The following CEP89 variants were observed in gnomAD, a reference collection of about 807,000 sequenced individuals.
The protein encoded by CEP89 is centrosomal protein of 89 kDa.
CEP89 carries 95 observed loss-of-function variants against 97.6 expected under a neutral mutation model. The ratio of observed to expected loss-of-function variants is 0.97; its 90% CI spans 0.82 to 1.15. The LOEUF is 1.15. Among genes scored for constraint, CEP89 ranks in the 50% most tolerant of loss-of-function variants. The pLI, the probability that CEP89 is intolerant of heterozygous loss-of-function variation, is 0.00. For synonymous variants in CEP89, 354 were observed against 349.1 expected (o/e 1.01, Z -0.16); for missense variants, 869 against 947.7 (o/e 0.92, Z 1.09).
Position 32,946,344 on chromosome 19 carries a change from T to C in CEP89, c.595+1922A>G, listed in dbSNP as rs552815551. 2.9e-4 allele frequency among the ~76,000 whole-genome samples: 44 copies of C among 152,268 alleles called. 1 individual carries two copies. The South Asian group carries it at 9.1e-3, about 32-fold the overall frequency. On this transcript the variant is annotated intron_variant, in intron 5 of 18. Transcript: ENST00000305768. ...TCATTGTGTGTGTTCTGACTCCTGA[T>C]TGGACCTTGACTGATATATGCTACA...
intron 2 of CEP89, among the ~76,000 whole-genome samples, chr19:32,962,322 G>A (rs1185228567): frequency 1.3e-5 from 2 of 152,198 alleles, no homozygotes; most frequent in Non-Finnish European, 2.9e-5. Context: ...CTTCTGCCAT[G>A]ATTGTTGGTT....
intron 5 of CEP89, among the ~76,000 whole-genome samples, chr19:32,943,188 G>A (rs1164673509): frequency 1.3e-5 from 2 of 152,160 alleles, no homozygotes; most frequent in South Asian, 2.1e-4. Flanking sequence ...GTAGAAACGG[G>A]GTCTCCCTGT....
intron 12 of CEP89, among the ~76,000 whole-genome samples, chr19:32,921,869 G>C (rs984992358): frequency 6.6e-6 from 1 of 152,170 alleles, no homozygotes; most frequent in African/African-American, 2.4e-5. Flanking sequence ...AGAGCCAATG[G>C]TAAGAATGCT....
chr19:32,902,010 C>CTCTCTGTGTGTGTGTGTG (rs1207481256), intron 14 of CEP89, among the ~76,000 whole-genome samples: 8 of 133,808 alleles, frequency 6.0e-5, no homozygotes, highest in African/African-American at 1.7e-4. Context: ...CTCTCTCTCT[C>CTCTCTGTGTGTGTGTGTG]TGTGTGTGTG....
At chr19:32,941,830 G>A (rs1175076118) in intron 5 of CEP89, among the ~76,000 whole-genome samples, 1 of 152,168 alleles carries the variant, frequency 6.6e-6, no homozygotes, top group East Asian at 1.9e-4. Context: ...GGGATGCGAG[G>A]GGAAAGGCCT....
chr19:32,881,942 G>A lies in CEP89; in HGVS notation c.2037C>T (p.Phe679=), dbSNP rs745824792. 2.0e-5 allele frequency: 32 copies of A among 1,599,032 alleles called. No individual in the cohort carries two copies. Among genetic ancestry groups the A allele is most frequent in the Non-Finnish European group, 2.6e-5 (30 of 1,173,714 alleles). The change falls in exon 18 of 19, where the codon TTC becomes TTT. Residue 679 remains phenylalanine, a synonymous_variant. Transcript: ENST00000305768. The part of the protein sequence containing the change: ...SHRLLEQQED[F]AGKTAQYRQE... ...GCCGGTACTGGGCTGTCTTGCCGGC[G>A]AAGTCCTCCTGCTGCTCCAGCAGAC...
At chr19:32,919,238 A>G (rs1970199143) in intron 12 of CEP89, among the ~76,000 whole-genome samples, 2 of 152,086 alleles carry the variant, frequency 1.3e-5, no homozygotes, top group South Asian at 2.1e-4. Context: ...CTCAGCACAA[A>G]CAAATCCTCT....
chr19:32,880,906 T>C (rs1291572184), intron 18 of CEP89, among the ~76,000 whole-genome samples: 1 of 152,090 alleles, frequency 6.6e-6, no homozygotes, highest in African/African-American at 2.4e-5. Context: ...CCCACTCTTG[T>C]CCAAGTTTCT....
chr19:32,927,545 T>C (rs978363043), intron 9 of CEP89, among the ~76,000 whole-genome samples: 1 of 152,126 alleles, frequency 6.6e-6, no homozygotes, highest in Non-Finnish European at 1.5e-5. Context: ...CTAATGTTCT[T>C]TTCTAATCAA....
Position 32,931,508 on chromosome 19 carries a change from CCAT to C in CEP89, c.947_949del (p.Asp316del). The C allele has an allele frequency of 1.3e-6, 2 of 1,588,898 alleles. No homozygotes were observed. The highest frequency in any genetic ancestry group is 1.7e-6 in the Non-Finnish European group (2 of 1,174,188). ...CAAACGATGGACAGTCATTTTCAAT[CCAT>C]CATTTTCATCCACCAGTTCTTGAGC... On this transcript the variant is annotated inframe_deletion, in exon 9 of 19. Transcript: ENST00000305768.
intron 7 of CEP89, 179 bp downstream of exon 7, chr19:32,937,452 C>T (rs1970602054): frequency 1.7e-6 from 1 of 586,784 alleles, no homozygotes; most frequent in African/African-American, 1.9e-5. Context: ...GACCCAAGCA[C>T]ATCCTGTATG....
intron 9 of CEP89, among the ~76,000 whole-genome samples, chr19:32,930,021 CTTTTT>C (rs777333613): frequency 7.5e-6 from 1 of 133,410 alleles, no homozygotes. Flanking sequence ...CTTTTTTTTC[CTTTTT>C]TTTTTTTTTT....
chr19:32,960,034 C>T lies in CEP89; in HGVS notation c.171G>A (p.Leu57=), dbSNP rs1412682556. Reference sequence around the variant, plus strand: ...CCGTCCGCCCAGTCAATGTTGTCGCCAGAATGGCTGCTGCCAGAGCAGATC... The same window carrying T: ...CCGTCCGCCCAGTCAATGTTGTCGCTAGAATGGCTGCTGCCAGAGCAGATC... ...RPRSALAAAI[L]ATTLTGRTVA... is the part of the protein sequence containing the mutation. The change falls in exon 3 of 19, where the codon CTG becomes CTA. Residue 57 remains leucine (L), a synonymous_variant. Transcript: ENST00000305768. 6.2e-7 allele frequency: 1 copy of T among 1,614,220 alleles called. No homozygotes were observed. The highest frequency in any genetic ancestry group is 1.1e-5 in the South Asian group (1 of 91,084).
intron 13 of CEP89, 81 bp downstream of exon 13, chr19:32,918,142 GC>G (rs59487918): frequency 0.21 from 240,142 of 1,160,388 alleles, 28,101 homozygotes; most frequent in East Asian, 0.54. Context: ...TTCAACTGGG[GC>G]CCCCGGCAGG....
chr19:32,931,413 C>T lies in CEP89; in HGVS notation c.1029+16G>A, dbSNP rs1970469567. 3 of 1,549,186 alleles carry T rather than the reference C, an allele frequency of 1.9e-6. No individual in the cohort carries two copies. Among genetic ancestry groups the T allele is most frequent in the African/African-American group, 2.8e-5 (2 of 70,966 alleles). On this transcript the variant is annotated intron_variant, in intron 9 of 18. Coordinates refer to ENST00000305768, the MANE Select transcript of CEP89 (RefSeq NM_032816.5). ...TAAAAATCTGAAAAGCTGATTTTCA[C>T]AATCGGAAACGTTACCTCTTCCTTG...
intron 11 of CEP89, among the ~76,000 whole-genome samples, chr19:32,924,509 C>G (rs138802974): frequency 1.3e-5 from 2 of 152,274 alleles, no homozygotes; most frequent in African/African-American, 4.8e-5. Context: ...CCGTGTCCTG[C>G]GCTGTCCTTT....
intron 16 of CEP89, 118 bp downstream of exon 16, chr19:32,899,739 A>G (rs1969723358): frequency 1.0e-6 from 1 of 952,810 alleles, no homozygotes; most frequent in Non-Finnish European, 1.6e-6. Context: ...GGAACCATCC[A>G]TCGTAAGTCA....
chr19:32,921,221 C>CAAAAA (rs35581184), intron 12 of CEP89, among the ~76,000 whole-genome samples: 1 of 134,136 alleles, frequency 7.5e-6, no homozygotes, highest in African/African-American at 2.8e-5. Flanking sequence ...GACTCTGTCT[C>CAAAAA]AAAAAAAAAA....
Position 32,886,668 on chromosome 19 carries a change from T to C in CEP89, c.1965+1084A>G, listed in dbSNP as rs150232076. On this transcript the variant is annotated intron_variant, in intron 17 of 18. Coordinates refer to ENST00000305768, the MANE Select transcript of CEP89 (RefSeq NM_032816.5). Reference sequence around the variant, plus strand: ...CCTGTTCAGATAAATGGTAACGCTATGGATTCCCCAAGCAAGGCCAACTAC... The same window carrying C: ...CCTGTTCAGATAAATGGTAACGCTACGGATTCCCCAAGCAAGGCCAACTAC... Among the ~76,000 whole-genome samples the C allele has an allele frequency of 1.3e-3, 199 of 152,266 alleles. 2 individuals are homozygous for C. The highest frequency in any genetic ancestry group is 4.3e-3 in the African/African-American group (177 of 41,556).
Sources: gnomAD v4.1 joint callset for allele counts (sites outside exome capture counted in the v4.1 genomes callset) on GRCh38, gnomAD v4.1.1 for gene constraint, MANE v1.5 for transcripts, NCBI Gene and HGNC (gene_info 2026-07-23, HGNC 2026-07-21) for gene names.